GAK: variants seen among roughly 807,000 people sequenced by gnomAD.
The protein encoded by GAK is cyclin G associated kinase.
In GAK, 79 loss-of-function variants were observed where a neutral mutation model predicts 143.9. The ratio of observed to expected loss-of-function variants is 0.55; its 90% CI spans 0.46 to 0.66. GAK has a LOEUF of 0.66. GAK is among the 30% of genes least tolerant of loss of function. The pLI is 0.00. For synonymous variants in GAK, 881 were observed against 765.5 expected, an observed-to-expected ratio of 1.15 and a Z score of -2.49; for missense variants, 1,693 against 1,779.7, an observed-to-expected ratio of 0.95 and a Z score of 0.88.
At chr4:861,589 TA>T (rs551645066) in intron 23 of GAK, among the ~76,000 whole-genome samples, 13 of 151,842 alleles carry the variant, frequency 8.6e-5, no homozygotes, top group African/African-American at 3.1e-4. Flanking sequence ...ACCCTGTCTC[TA>T]AAAAAAAGAA....
rs547383831 is a variant in GAK, at chr4:860,310, C to A, written c.3167-588G>T. Among the ~76,000 whole-genome samples the A allele has an allele frequency of 2.0e-5, 3 of 149,022 alleles. No individual in the cohort carries two copies. The East Asian group carries it at 6.1e-4, about 30-fold the overall frequency. ...GCTGCAGTGAGCCAAAATGATGCCA[C>A]TGCACTCAGCCCCAGTGACAGAATG... On this transcript the variant is annotated intron_variant, in intron 23 of 27. Transcript: ENST00000314167.
chr4:887,407 C>T (rs4690204), intron 11 of GAK: 20,372 of 151,452 alleles, frequency 0.13, 1,730 homozygotes, highest in Middle Eastern at 0.3. Context: ...CATGTGCACA[C>T]ATGCATGCGG....
intron 1 of GAK, among the ~76,000 whole-genome samples, chr4:924,569 C>T (rs570194198): frequency 9.2e-5 from 14 of 152,348 alleles, no homozygotes; most frequent in African/African-American, 3.1e-4. Context: ...ACAGCGGACA[C>T]GGTTTGGATC....
At chr4:873,985 G>A (rs1020603426) in intron 18 of GAK, among the ~76,000 whole-genome samples, 1 of 152,092 alleles carries the variant, frequency 6.6e-6, no homozygotes, top group African/African-American at 2.4e-5. Flanking sequence ...ACGTTGTTCT[G>A]GCGAATTCAT....
chr4:854,363 C>T (rs1323490959), intron 24 of GAK, among the ~76,000 whole-genome samples: 1 of 152,130 alleles, frequency 6.6e-6, no homozygotes, highest in Non-Finnish European at 1.5e-5. Flanking sequence ...TTGGAAATAT[C>T]TTCTCCCAGT....
intron 18 of GAK, among the ~76,000 whole-genome samples, chr4:873,655 G>A (rs28689767): frequency 0.018 from 2,793 of 152,216 alleles, 77 homozygotes; most frequent in African/African-American, 0.063. Context: ...AACGTCACCC[G>A]TCACCTCCTG....
At chr4:876,372 G>A (rs984127241) in intron 18 of GAK, among the ~76,000 whole-genome samples, 158 bp downstream of exon 18, 3 of 152,182 alleles carry the variant, frequency 2.0e-5, no homozygotes, top group Non-Finnish European at 2.9e-5. Context: ...GCCTACACAC[G>A]CGCAGCTCCA....
chr4:898,278 A>ACC, intron 5 of GAK, 120 bp from the exon 6 acceptor site: 1 of 1,188,316 alleles, frequency 8.4e-7, no homozygotes, highest in Non-Finnish European at 1.2e-6. Flanking sequence ...GCCCAGGGCC[A>ACC]CGGCTGCCGG....
chr4:889,085 G>T, intron 10 of GAK, 115 bp from the exon 11 acceptor site: 1 of 1,308,916 alleles, frequency 7.6e-7, no homozygotes, highest in Non-Finnish European at 1.0e-6. Flanking sequence ...CAGGCGCTCG[G>T]TCCCACCTCC....
At chr4:866,562 A>G (rs1045587476) in intron 21 of GAK, 28 bp from the exon 22 acceptor site, 3 of 1,605,344 alleles carry the variant, frequency 1.9e-6, no homozygotes, top group Admixed American at 1.7e-5. Context: ...CATGGGGAGG[A>G]CTCAGCCCGG....
At position 865,062 on chromosome 4, in the gene GAK, G is replaced by A. The variant is rs1577071883; in HGVS notation, c.3166+60C>T. The A allele has an allele frequency of 2.5e-6, 4 of 1,574,550 alleles. No homozygotes were observed. The South Asian group carries it at 4.5e-5, about 18-fold the overall frequency. ...CCCTGTTACAGGTACGTGTGAAATA[G>A]AGACGGGCCACAGCAGCTGCACGTC... On this transcript the variant is annotated intron_variant, in intron 23 of 27. Transcript: ENST00000314167.
chr4:923,020 C>A (rs1724144702), intron 1 of GAK, among the ~76,000 whole-genome samples: 1 of 152,190 alleles, frequency 6.6e-6, no homozygotes, highest in Admixed American at 6.5e-5. Flanking sequence ...TCCCCTTACA[C>A]TGCATCCTTC....
intron 18 of GAK, among the ~76,000 whole-genome samples, chr4:874,215 CCTG>C (rs1268737399): frequency 6.6e-6 from 1 of 152,100 alleles, no homozygotes; most frequent in East Asian, 1.9e-4. Flanking sequence ...CGCTGGTGCT[CCTG>C]CTGTCAGATA....
In GAK at chr4:889,114, C is replaced by A. The variant is rs1314735440; in HGVS notation, c.1082-144G>T. 2.8e-6 allele frequency: 3 copies of A among 1,090,104 alleles called. No individual in the cohort carries two copies. In the East Asian group the frequency reaches 7.9e-5, roughly 29 times the overall value. 67.5% of individuals were successfully genotyped at this position (1,090,104 alleles called of 1,614,324 possible). ...CACCTCCCCAGGTGCAGGTTGCTGG[C>A]TGGGCCCAGGCAGCAGGAGCAGGGA... is the stretch of plus-strand genomic sequence containing the variant. On this transcript the variant is annotated intron_variant, in intron 10 of 27. Transcript: ENST00000314167.
intron 1 of GAK, chr4:914,088 C>T (rs1474434974): frequency 4.1e-5 from 7 of 171,232 alleles, no homozygotes; most frequent in South Asian, 2.8e-4. Context: ...CCCCAGCGTG[C>T]ACGGCCCCAC....
intron 12 of GAK, among the ~76,000 whole-genome samples, chr4:883,693 G>C (rs1715640509): frequency 6.6e-6 from 1 of 152,238 alleles, no homozygotes; most frequent in South Asian, 2.1e-4. Context: ...GACTTCCTGA[G>C]ACAGCTTTCT....
intron 11 of GAK, chr4:885,845 C>T (rs1716226799): frequency 2.0e-5 from 3 of 152,176 alleles, no homozygotes; most frequent in African/African-American, 2.4e-5. Flanking sequence ...CAACTCACTG[C>T]AGCCTCAACC....
At chr4:881,841 A>G (rs1046285410) in intron 15 of GAK, 66 bp downstream of exon 15, 7 of 1,499,146 alleles carry the variant, frequency 4.7e-6, no homozygotes, top group Non-Finnish European at 6.3e-6. Flanking sequence ...GAGACACCAC[A>G]GCGGGGGCGG....
At chr4:874,068 T>C (rs1713286874) in intron 18 of GAK, among the ~76,000 whole-genome samples, 1 of 152,198 alleles carries the variant, frequency 6.6e-6, no homozygotes, top group Non-Finnish European at 1.5e-5. Flanking sequence ...CATTCTCTGC[T>C]TCCTGGTGAT....
Sources: gnomAD v4.1 joint callset for allele counts (sites outside exome capture counted in the v4.1 genomes callset) on GRCh38, gnomAD v4.1.1 for gene constraint, MANE v1.5 for transcripts, NCBI Gene and HGNC (gene_info 2026-07-23, HGNC 2026-07-21) for gene names.